Variants in ATF7IP observed in about 807,000 individuals in gnomAD.
ATF7IP encodes activating transcription factor 7-interacting protein 1.
Under a neutral mutation model 106.4 loss-of-function variants are expected in ATF7IP, and 23 were observed. That is an observed-to-expected ratio of 0.22 (90% confidence interval 0.16 to 0.31). The LOEUF is 0.31. Ranked by LOEUF, ATF7IP falls within the 10% of genes least tolerant of loss-of-function variation. ATF7IP has a pLI of 1.00. For missense variants in ATF7IP, 1,334 were observed against 1,524.3 expected (o/e 0.88, Z 2.08); for synonymous variants, 542 against 539.0 (o/e 1.01, Z -0.08).
chr12:14,476,511 G>A (rs937796783), intron 11 of ATF7IP: 1 of 150,588 alleles, frequency 6.6e-6, no homozygotes, highest in Non-Finnish European at 1.5e-5. Context: ...TGTAATTTTT[G>A]GAGTACCTCT....
At chr12:14,432,290 T>C (rs1942178931) in intron 2 of ATF7IP, among the ~76,000 whole-genome samples, 3 of 152,198 alleles carry the variant, frequency 2.0e-5, no homozygotes, top group African/African-American at 7.2e-5. Context: ...ACTCTGTCTC[T>C]CTGGAAACTC....
rs1941795266 is a variant in ATF7IP, at chr12:14,425,477, AG to A, written c.1558+5del. 1 of 1,517,178 alleles carries A rather than the reference AG, an allele frequency of 6.6e-7. No individual in the cohort carries two copies. Among genetic ancestry groups the A allele is most frequent in the South Asian group, 1.3e-5 (1 of 74,948 alleles). The allele number at this position is 1,517,178 out of a possible 1,614,324, so 94.0% of individuals were successfully genotyped here. On this transcript the variant is annotated splice_donor_5th_base_variant and intron_variant, in intron 2 of 14. Transcript: ENST00000261168. ...CAAAATGAAACGTGCTCTCCAGGTT[AG>A]CATATAACTTAAATGTTAAAGATTT... is the stretch of plus-strand genomic sequence containing the variant.
intron 1 of ATF7IP, among the ~76,000 whole-genome samples, chr12:14,379,269 G>C (rs1026048810): frequency 1.3e-5 from 2 of 152,056 alleles, no homozygotes; most frequent in African/African-American, 4.8e-5. Context: ...CATGTGATGT[G>C]CATGCTCCCC....
chr12:14,403,057 G>A (rs547883425), intron 1 of ATF7IP, among the ~76,000 whole-genome samples: 1 of 152,152 alleles, frequency 6.6e-6, no homozygotes, highest in South Asian at 2.1e-4. Context: ...TTGTGTTTAA[G>A]AGAAATATCT....
chr12:14,388,472 G>A (rs1293199083), intron 1 of ATF7IP, among the ~76,000 whole-genome samples: 3 of 151,828 alleles, frequency 2.0e-5, no homozygotes, highest in Non-Finnish European at 4.4e-5. Context: ...TCAGCCTCCC[G>A]AGTAGCTGAC....
At chr12:14,423,798 C>T (rs1941673039) in intron 1 of ATF7IP, 111 bp from the exon 2 acceptor site, 1 of 1,181,680 alleles carries the variant, frequency 8.5e-7, no homozygotes, top group African/African-American at 1.6e-5. Flanking sequence ...ATGTCTTAAA[C>T]ATTACATGAA....
intron 6 of ATF7IP, among the ~76,000 whole-genome samples, chr12:14,455,441 A>G (rs1456140455): frequency 6.6e-6 from 1 of 152,182 alleles, no homozygotes; most frequent in East Asian, 1.9e-4. Context: ...TGTGTCATAT[A>G]AAAAGTAGCA....
At chr12:14,397,388 G>A (rs902581065) in intron 1 of ATF7IP, among the ~76,000 whole-genome samples, 5 of 152,154 alleles carry the variant, frequency 3.3e-5, no homozygotes, top group Non-Finnish European at 7.3e-5. Context: ...GAACCTAAGT[G>A]GTCAGGTAGT....
rs538740098 is a variant in ATF7IP at position 14,500,399 on chromosome 12, T to G, written c.*2326T>G. On this transcript the variant is annotated 3_prime_UTR_variant, in exon 15 of 15. Coordinates refer to ENST00000261168, the MANE Select transcript of ATF7IP (RefSeq NM_018179.5). ...CAAAGGAGTATGCTATAAATCAAATTTGCCAACCAATTATGTAGATATTAC... is the reference window on the plus strand; with the variant it reads ...CAAAGGAGTATGCTATAAATCAAATGTGCCAACCAATTATGTAGATATTAC... The G allele has an allele frequency of 6.6e-6, 1 of 152,302 alleles. No homozygotes were observed. The highest frequency in any genetic ancestry group is 2.4e-5 in the African/African-American group (1 of 41,574). 9.4% of individuals were successfully genotyped at this position (152,302 alleles called of 1,614,324 possible). A position where few individuals can be genotyped will look rare whatever the true frequency, so the allele number is the denominator to read the frequency against.
chr12:14,406,703 TG>T (rs1940607209), intron 1 of ATF7IP, among the ~76,000 whole-genome samples: 1 of 149,988 alleles, frequency 6.7e-6, no homozygotes, highest in African/African-American at 2.5e-5. Context: ...CTCGCTCTTT[TG>T]CCCAGGCTGT....
intron 9 of ATF7IP, among the ~76,000 whole-genome samples, chr12:14,464,636 A>AG (rs1408723044): frequency 1.3e-5 from 2 of 152,210 alleles, no homozygotes; most frequent in East Asian, 3.9e-4. Flanking sequence ...AAGTCATCCA[A>AG]GGTAGATCTT....
intron 1 of ATF7IP, among the ~76,000 whole-genome samples, chr12:14,392,775 TAAG>T (rs1213536339): frequency 6.6e-6 from 1 of 152,222 alleles, no homozygotes; most frequent in Non-Finnish European, 1.5e-5. Flanking sequence ...CTCTGTGAGA[TAAG>T]AACTGAAATT....
intron 6 of ATF7IP, among the ~76,000 whole-genome samples, chr12:14,453,625 G>A (rs1011506715): frequency 1.3e-5 from 2 of 150,994 alleles, no homozygotes; most frequent in African/African-American, 2.4e-5. Context: ...ACCTAATTGA[G>A]TATCTTTTTT....
intron 6 of ATF7IP, among the ~76,000 whole-genome samples, chr12:14,450,096 G>A (rs551567610): frequency 2.6e-5 from 4 of 152,208 alleles, no homozygotes; most frequent in South Asian, 4.1e-4. Flanking sequence ...TTACATATGA[G>A]ATCATATCAT....
chr12:14,403,427 A>G (rs1940369345), intron 1 of ATF7IP, among the ~76,000 whole-genome samples: 1 of 152,182 alleles, frequency 6.6e-6, no homozygotes, highest in Non-Finnish European at 1.5e-5. Flanking sequence ...TCCTGGCCTT[A>G]ATGATCTAAC....
chr12:14,461,261 T>A (rs1943628625), intron 9 of ATF7IP, 128 bp downstream of exon 9: 8 of 885,440 alleles, frequency 9.0e-6, no homozygotes, highest in South Asian at 2.8e-5. Flanking sequence ...TCTTGATTAT[T>A]TTTAGTAATT....
Position 14,373,964 on chromosome 12 carries a change from T to C in ATF7IP, c.-8+8137T>C, listed in dbSNP as rs571983101. On this transcript the variant is annotated intron_variant, in intron 1 of 14. Coordinates refer to ENST00000261168, the MANE Select transcript of ATF7IP (RefSeq NM_018179.5). ...GAACTTTACAGGTTAACTTGCTTAA[T>C]TCAAAAGGACTGTAGATGAATCGAG... Among the ~76,000 whole-genome samples the C allele has an allele frequency of 6.6e-5, 10 of 152,252 alleles. 1 individual carries two copies. In the Middle Eastern group the frequency reaches 0.02, roughly 311 times the overall value.
chr12:14,448,107 A>T (rs1231066366), intron 6 of ATF7IP, among the ~76,000 whole-genome samples: 2 of 151,708 alleles, frequency 1.3e-5, no homozygotes, highest in African/African-American at 4.8e-5. Flanking sequence ...CCATTTCTTC[A>T]TCTTGATAGT....
intron 8 of ATF7IP, among the ~76,000 whole-genome samples, chr12:14,459,671 C>A (rs1433091867): frequency 6.6e-6 from 1 of 152,176 alleles, no homozygotes; most frequent in Non-Finnish European, 1.5e-5. Flanking sequence ...CCCAGGCACC[C>A]CGCTGGACCA....
Sources: allele counts gnomAD v4.1 joint callset (sites outside exome capture counted in the v4.1 genomes callset), GRCh38; gene constraint gnomAD v4.1.1; transcripts MANE v1.5; gene names NCBI Gene and HGNC (gene_info 2026-07-23, HGNC 2026-07-21).